Variants in EPB41L4B observed in about 807,000 individuals in gnomAD.
The protein encoded by EPB41L4B is erythrocyte membrane protein band 4.1 like 4B, also known as band 4.1-like protein 4B.
In EPB41L4B, 30 loss-of-function variants were observed where a neutral mutation model predicts 112.5. The ratio of observed to expected loss-of-function variants is 0.27; its 90% confidence interval spans 0.20 to 0.36. The LOEUF is 0.36. Among genes scored for constraint, EPB41L4B ranks in the 10% least tolerant of loss-of-function variants. The pLI, the probability that EPB41L4B is intolerant of heterozygous loss-of-function variation, is 1.00. For missense variants in EPB41L4B, 1,024 were observed against 1,133.3 expected (o/e 0.90, Z 1.38); for synonymous variants, 408 against 439.7 (o/e 0.93, Z 0.90).
intron 15 of EPB41L4B, among the ~76,000 whole-genome samples, chr9:109,226,747 ATATG>A (rs1169234988): frequency 7.7e-5 from 7 of 90,800 alleles, no homozygotes; most frequent in Non-Finnish European, 1.6e-4. Context: ...AAGAATATAT[ATATG>A]AAGAATATAT....
chr9:109,202,224 G>C (rs1354516696), intron 19 of EPB41L4B, among the ~76,000 whole-genome samples: 1 of 152,148 alleles, frequency 6.6e-6, no homozygotes. Context: ...GATGAATTAA[G>C]TTTTTGAAAA....
At chr9:109,244,780 A>T (rs1019248478) in intron 14 of EPB41L4B, among the ~76,000 whole-genome samples, 1 of 152,164 alleles carries the variant, frequency 6.6e-6, no homozygotes, top group Non-Finnish European at 1.5e-5. Flanking sequence ...CAATCTCCTA[A>T]GGGGCAAATT....
chr9:109,193,509 A>T (rs1257740142), intron 21 of EPB41L4B, among the ~76,000 whole-genome samples: 1 of 152,248 alleles, frequency 6.6e-6, no homozygotes, highest in Non-Finnish European at 1.5e-5. Flanking sequence ...TGAATGGAAG[A>T]GCTGGGAACA....
At chr9:109,263,225 AT>A in intron 5 of EPB41L4B, 123 bp from the exon 6 acceptor site, 1 of 689,326 alleles carries the variant, frequency 1.5e-6, no homozygotes, top group Non-Finnish European at 2.5e-6. Flanking sequence ...TCTTAGTCAT[AT>A]TTTTGCTGTC....
At chr9:109,315,512 G>A (rs1445427553) in intron 1 of EPB41L4B, among the ~76,000 whole-genome samples, 1 of 152,156 alleles carries the variant, frequency 6.6e-6, no homozygotes, top group Non-Finnish European at 1.5e-5. Flanking sequence ...TCCTGTGTTA[G>A]GACGTGGGGT....
chr9:109,260,004 T>C (rs1835138950), intron 6 of EPB41L4B, among the ~76,000 whole-genome samples: 1 of 152,088 alleles, frequency 6.6e-6, no homozygotes, highest in Admixed American at 6.5e-5. Flanking sequence ...TGGAATGGGG[T>C]TGGGGAGAGG....
At chr9:109,237,774 T>C (rs1261224887) in intron 15 of EPB41L4B, among the ~76,000 whole-genome samples, 1 of 151,964 alleles carries the variant, frequency 6.6e-6, no homozygotes, top group African/African-American at 2.4e-5. Context: ...GTGGGAGATA[T>C]GGACAGTTAT....
intron 15 of EPB41L4B, among the ~76,000 whole-genome samples, chr9:109,229,115 T>C (rs1833873731): frequency 6.6e-6 from 1 of 152,294 alleles, no homozygotes; most frequent in African/African-American, 2.4e-5. Context: ...AGAAAAAGAA[T>C]ATGTGGAGAA....
chr9:109,297,252 T>G (rs1588221675), intron 1 of EPB41L4B, among the ~76,000 whole-genome samples: 1 of 152,060 alleles, frequency 6.6e-6, no homozygotes, highest in East Asian at 1.9e-4. Flanking sequence ...AAACCAACCC[T>G]GCCGTACCAC....
intron 24 of EPB41L4B, among the ~76,000 whole-genome samples, chr9:109,180,381 C>A (rs551781605): frequency 6.6e-6 from 1 of 152,220 alleles, no homozygotes; most frequent in African/African-American, 2.4e-5. Context: ...TATGGCCAAC[C>A]AAGGGAGGTG....
chr9:109,262,201 C>T (rs888782916), intron 6 of EPB41L4B, among the ~76,000 whole-genome samples: 4 of 152,160 alleles, frequency 2.6e-5, no homozygotes, highest in African/African-American at 9.7e-5. Context: ...CCAGTCCTGA[C>T]ATTAATGCTT....
At chr9:109,244,352 G>A (rs986469477) in intron 14 of EPB41L4B, among the ~76,000 whole-genome samples, 13 of 150,082 alleles carry the variant, frequency 8.7e-5, no homozygotes, top group Non-Finnish European at 1.8e-4. Context: ...AAGGAAGGCA[G>A]GTAGGGAAAG....
At position 109,256,392 on chromosome 9, in the gene EPB41L4B, C is replaced by T; in HGVS notation, c.840+1G>A. ...ATTACTTAAACGCACACAGTTCTTA[C>T]CCTGACAACGTGCATGTCTACCCCA... On this transcript the variant is annotated splice_donor_variant, in intron 8 of 25. Transcript: ENST00000374566. LOFTEE classifies it high-confidence loss of function. The T allele has an allele frequency of 6.2e-7, 1 of 1,613,998 alleles. No individual in the cohort carries two copies. Among genetic ancestry groups the T allele is most frequent in the Non-Finnish European group, 8.5e-7 (1 of 1,179,916 alleles).
chr9:109,177,697 C>A (rs1831892994), intron 24 of EPB41L4B, among the ~76,000 whole-genome samples: 1 of 152,002 alleles, frequency 6.6e-6, no homozygotes. Flanking sequence ...CTGGCGCACG[C>A]CTGTAATCCC....
At chr9:109,288,767 G>A (rs973413649) in intron 1 of EPB41L4B, among the ~76,000 whole-genome samples, 3 of 137,718 alleles carry the variant, frequency 2.2e-5, no homozygotes, top group Non-Finnish European at 3.1e-5. Context: ...TGGGTGTGGT[G>A]GTATATGCCT....
At chr9:109,181,183 G>T (rs1307788485) in intron 24 of EPB41L4B, among the ~76,000 whole-genome samples, 2 of 151,916 alleles carry the variant, frequency 1.3e-5, no homozygotes, top group Non-Finnish European at 2.9e-5. Flanking sequence ...TTATTATTTT[G>T]TAGGGACAGG....
At chr9:109,223,096 C>G (rs1833645621) in intron 15 of EPB41L4B, among the ~76,000 whole-genome samples, 1 of 152,182 alleles carries the variant, frequency 6.6e-6, no homozygotes, top group African/African-American at 2.4e-5. Flanking sequence ...CATCTCCTCT[C>G]CCTGACCCTG....
chr9:109,303,659 TTTTTC>T (rs199892894), intron 1 of EPB41L4B, among the ~76,000 whole-genome samples: 24 of 151,802 alleles, frequency 1.6e-4, no homozygotes, highest in Middle Eastern at 3.2e-3. Context: ...GGCTGGGTTT[TTTTTC>T]TTTTCTTTTC....
At position 109,173,894 on chromosome 9, in the gene EPB41L4B, T is replaced by C. The variant is rs1414061125; in HGVS notation, c.*660A>G. The C allele has an allele frequency of 1.3e-5, 2 of 152,310 alleles. No individual in the cohort carries two copies. Among genetic ancestry groups the C allele is most frequent in the Admixed American group, 6.5e-5 (1 of 15,274 alleles). The allele number at this position is 152,310 out of a possible 1,614,324, so 9.4% of individuals were successfully genotyped here. A position where few individuals can be genotyped will look rare whatever the true frequency, so the allele number is the denominator to read the frequency against. On this transcript the variant is annotated 3_prime_UTR_variant, in exon 26 of 26. Transcript: ENST00000374566. ...TAACCTTGTAAGGATTTTTAGACAA[T>C]GTAAGCTATCATTTCCTACTTTGGG...
Sources: allele counts gnomAD v4.1 joint callset (sites outside exome capture counted in the v4.1 genomes callset), GRCh38; gene constraint gnomAD v4.1.1; transcripts MANE v1.5; gene names NCBI Gene and HGNC (gene_info 2026-07-23, HGNC 2026-07-21).